Variants in ALDH1L1 observed in about 807,000 individuals in gnomAD.
ALDH1L1 encodes cytosolic 10-formyltetrahydrofolate dehydrogenase.
ALDH1L1 carries 68 observed loss-of-function variants against 101.1 expected under a neutral mutation model. The observed-to-expected ratio is 0.67, with a 90% CI of 0.55 to 0.82. ALDH1L1 has a LOEUF of 0.82. ALDH1L1 is among the 40% of genes least tolerant of loss of function. The pLI is 0.00. For missense variants in ALDH1L1, 1,087 were observed against 1,172.7 expected, an observed-to-expected ratio of 0.93 and a Z score of 1.07; for synonymous variants, 486 against 470.8, an observed-to-expected ratio of 1.03 and a Z score of -0.42.
intron 1 of ALDH1L1, among the ~76,000 whole-genome samples, chr3:126,178,393 A>T: frequency 1.1e-5 from 1 of 90,356 alleles, no homozygotes; most frequent in South Asian, 2.7e-4. Flanking sequence ...AAAAAAAAAA[A>T]AAGAAAAAAA....
Position 126,160,910 on chromosome 3 carries a change from G to A in ALDH1L1, c.70C>T (p.His24Tyr). Residue 24 changes from histidine to tyrosine, a missense_variant, in exon 2 of 23, where the codon CAC (histidine) becomes TAC (tyrosine). Physicochemically the swap from His to Tyr is moderately conservative, Grantham distance 83. Around this residue, in one of 2 missense-constraint regions of ALDH1L1, gnomAD observed 645 missense variants for 637.0 expected, o/e 1.01. Coordinates refer to ENST00000393434, the MANE Select transcript of ALDH1L1 (RefSeq NM_012190.4). ...ACAGTGAACACACCCACCACTTCGT[G>A]GCCCTCCTTCCTCAGGTGGCAGTAA... ...EVYCHLRKEG[H>Y]EVVGVFTVPD... 1.9e-6 allele frequency: 3 copies of A among 1,614,252 alleles called. No individual in the cohort carries two copies. The highest frequency in any genetic ancestry group is 2.5e-6 in the Non-Finnish European group (3 of 1,180,048).
chr3:126,136,261 A>T (rs761459837), intron 11 of ALDH1L1, among the ~76,000 whole-genome samples: 2 of 152,218 alleles, frequency 1.3e-5, no homozygotes, highest in Non-Finnish European at 2.9e-5. Context: ...ATGCAGCCAT[A>T]AAAGCAAGCC....
intron 7 of ALDH1L1, 164 bp from the exon 8 acceptor site, chr3:126,150,695 A>G: frequency 1.4e-6 from 1 of 735,524 alleles, no homozygotes; most frequent in Non-Finnish European, 2.0e-6. Flanking sequence ...AGCTGGGATT[A>G]CAGGCGCGCA....
rs2080455142 is a variant in ALDH1L1 at position 126,136,798 on chromosome 3, T to C, written c.1310A>G (p.Lys437Arg). ...GGTGGGATTGATGGTCTCAGAGGTCTTGGCGCCCTCGGCATCCACGAACTC... is the reference window on the plus strand; with the variant it reads ...GGTGGGATTGATGGTCTCAGAGGTCCTGGCGCCCTCGGCATCCACGAACTC... Reference protein sequence around the residue: ...GGEFVDAEGAKTSETINPTDG... With the variant: ...GGEFVDAEGARTSETINPTDG... Residue 437 changes from lysine to arginine, a missense_variant, in exon 11 of 23, where the codon AAG (lysine) becomes AGG (arginine). By Grantham distance (26) the Lys-to-Arg change is conservative. Transcript: ENST00000393434. 6.3e-7 allele frequency: 1 copy of C among 1,591,288 alleles called. No individual in the cohort carries two copies. The highest frequency in any genetic ancestry group is 1.8e-5 in the Admixed American group (1 of 56,434).
In ALDH1L1 at chr3:126,180,570, C is replaced by T; in HGVS notation, c.-118G>A. 8.9e-7 allele frequency: 1 copy of T among 1,128,472 alleles called. No homozygotes were observed. Among genetic ancestry groups the T allele is most frequent in the Non-Finnish European group, 1.1e-6 (1 of 914,312 alleles). The allele number at this position is 1,128,472 out of a possible 1,614,324, so 69.9% of individuals were successfully genotyped here. The stretch of plus-strand genomic sequence containing the variant: ...GTTGGTGCAGACCCGTCCTGGGAGC[C>T]AGGAGGTGGGACCTGTCCCCGCCAG... On this transcript the variant is annotated 5_prime_UTR_variant, in exon 1 of 23. Transcript: ENST00000393434.
chr3:126,103,711 G>A lies in ALDH1L1; in HGVS notation c.*80C>T. On this transcript the variant is annotated 3_prime_UTR_variant, in exon 23 of 23. Transcript: ENST00000393434. The stretch of plus-strand genomic sequence containing the variant: ...TCCACTAGCCCCCCAGGTGGGAGGT[G>A]CTGTGCACCCAGGCTCAAGAGGGAG... 1 of 1,485,590 alleles carries A rather than the reference G, an allele frequency of 6.7e-7. No individual in the cohort carries two copies. The highest frequency in any genetic ancestry group is 9.3e-7 in the Non-Finnish European group (1 of 1,078,264). The allele number at this position is 1,485,590 out of a possible 1,614,324, so 92.0% of individuals were successfully genotyped here. A position where few individuals can be genotyped will look rare whatever the true frequency, so the allele number is the denominator to read the frequency against.
At chr3:126,180,861 G>A, upstream of ALDH1L1, 1 of 1,561,936 alleles carries the variant, frequency 6.4e-7, no homozygotes, top group South Asian at 1.2e-5. Context: ...AGGGCTGGCA[G>A]TTCTGAGCGC....
At chr3:126,164,657 T>C (rs1167891568) in intron 1 of ALDH1L1, among the ~76,000 whole-genome samples, 1 of 152,244 alleles carries the variant, frequency 6.6e-6, no homozygotes, top group African/African-American at 2.4e-5. Context: ...TCACTGCTGT[T>C]GTGAATAGTC....
intron 1 of ALDH1L1, among the ~76,000 whole-genome samples, chr3:126,166,799 T>A (rs1000679422): frequency 6.6e-6 from 1 of 152,182 alleles, no homozygotes; most frequent in Non-Finnish European, 1.5e-5. Context: ...AAATTAAATT[T>A]AAAAATGTTA....
At chr3:126,150,276 C>G in intron 8 of ALDH1L1, 130 bp downstream of exon 8, 1 of 1,413,412 alleles carries the variant, frequency 7.1e-7, no homozygotes, top group Non-Finnish European at 9.4e-7. Context: ...AGAACCAACA[C>G]TGCACCTGGA....
At chr3:126,125,252 G>A (rs1284716798) in intron 15 of ALDH1L1, among the ~76,000 whole-genome samples, 3 of 152,190 alleles carry the variant, frequency 2.0e-5, no homozygotes, top group Admixed American at 2.0e-4. Flanking sequence ...CCACATAAGG[G>A]ACATGGCACC....
intron 16 of ALDH1L1, among the ~76,000 whole-genome samples, chr3:126,120,037 A>C (rs1216184685): frequency 6.6e-6 from 1 of 152,256 alleles, no homozygotes; most frequent in African/African-American, 2.4e-5. Context: ...GGGAACGCAA[A>C]ATGGCACAGC....
In ALDH1L1 at chr3:126,123,353, G is replaced by C. The variant is rs534118805; in HGVS notation, c.1888+1011C>G. 7.9e-5 allele frequency among the ~76,000 whole-genome samples: 12 copies of C among 151,668 alleles called. No individual in the cohort carries two copies. The East Asian group carries it at 2.3e-3, about 29-fold the overall frequency. On this transcript the variant is annotated intron_variant, in intron 16 of 22. Coordinates refer to ENST00000393434, the MANE Select transcript of ALDH1L1 (RefSeq NM_012190.4). ...GATCACTGCAAACTCCACCTCCCAG[G>C]TTCAGGCGATTCTTCTGCCTCAGCC...
At chr3:126,187,266 G>C (rs569071934) in intron 1 of ALDH1L1, among the ~76,000 whole-genome samples, 15 of 152,042 alleles carry the variant, frequency 9.9e-5, no homozygotes, top group African/African-American at 3.6e-4. Context: ...AAAACGGGGG[G>C]AAGGGAAGAT....
intron 6 of ALDH1L1, 103 bp from the exon 7 acceptor site, chr3:126,153,684 G>A: frequency 7.0e-7 from 1 of 1,424,292 alleles, no homozygotes; most frequent in African/African-American, 1.4e-5. Flanking sequence ...GAGGGGCCAG[G>A]GGTAGCTGAG....
At chr3:126,137,143 C>CTT (rs398071941) in intron 10 of ALDH1L1, among the ~76,000 whole-genome samples, 1 of 151,914 alleles carries the variant, frequency 6.6e-6, no homozygotes, top group African/African-American at 2.4e-5. Flanking sequence ...TAAGAGGACT[C>CTT]AGACAGAGGA....
intron 16 of ALDH1L1, among the ~76,000 whole-genome samples, chr3:126,120,585 C>T (rs2080059978): frequency 6.6e-6 from 1 of 152,118 alleles, no homozygotes; most frequent in Non-Finnish European, 1.5e-5. Context: ...AAGAGTGACC[C>T]CTAAACTACG....
In ALDH1L1 at chr3:126,150,452, A is replaced by T. The variant is rs1000452971; in HGVS notation, c.938T>A (p.Val313Asp). ...CAGCTCTGCCTCTGTCAGCTCAAGG[A>T]CACTGCTGGCTGCCCCCTTAAAGAA... Reference protein sequence around the residue: ...SNFFKGAASSVLELTEAELVT... With the variant: ...SNFFKGAASSDLELTEAELVT... The change falls in exon 8 of 23, where the codon GTC (valine) becomes GAC (aspartate). Residue 313 changes from valine (V) to aspartate (D), a missense_variant. By Grantham distance (152) the Val-to-Asp change is radical. This residue lies in a region of ALDH1L1 where 645 missense variants were observed against 637.0 expected (regional missense o/e 1.01). Coordinates refer to ENST00000393434, the MANE Select transcript of ALDH1L1 (RefSeq NM_012190.4). 8 of 1,551,514 alleles carry T rather than the reference A, an allele frequency of 5.2e-6. No individual in the cohort carries two copies. The highest frequency in any genetic ancestry group is 7.0e-6 in the Non-Finnish European group (8 of 1,146,970).
At chr3:126,118,477 G>T (rs77817232) in intron 16 of ALDH1L1, among the ~76,000 whole-genome samples, 2 of 152,106 alleles carry the variant, frequency 1.3e-5, no homozygotes, top group Non-Finnish European at 2.9e-5. Flanking sequence ...GTGGAGAGCC[G>T]TCTGCAAGCC....
Sources: allele counts gnomAD v4.1 joint callset (sites outside exome capture counted in the v4.1 genomes callset), GRCh38; gene constraint gnomAD v4.1.1; regional missense constraint gnomAD v4.1.1; transcripts MANE v1.5; gene names NCBI Gene and HGNC (gene_info 2026-07-23, HGNC 2026-07-21).